The following LINGO2 variants were observed in gnomAD, a reference collection of about 807,000 sequenced individuals.
The protein encoded by LINGO2 is leucine-rich repeat and immunoglobulin-like domain-containing nogo receptor-interacting protein 2.
A neutral mutation model predicts 30.6 loss-of-function variants in LINGO2; 14 were observed. That is an observed-to-expected ratio of 0.46 (90% confidence interval 0.30 to 0.72). The LOEUF (loss-of-function observed/expected upper bound fraction) is 0.72, where lower values mean the gene tolerates loss of function less well. Ranked by LOEUF, LINGO2 falls within the 30% of genes least tolerant of loss-of-function variation. The pLI is 0.07. For synonymous variants in LINGO2, 317 were observed against 288.5 expected, an observed-to-expected ratio of 1.10 and a Z score of -1.00; for missense variants, 729 against 751.7, an observed-to-expected ratio of 0.97 and a Z score of 0.35.
In LINGO2 at chr9:27,981,550, A is replaced by G. The variant is rs974418643; in HGVS notation, c.-36+30805T>C. 9.3e-5 allele frequency among the ~76,000 whole-genome samples: 11 copies of G among 117,698 alleles called. 1 individual carries two copies. The East Asian group carries it at 3.9e-3, about 42-fold the overall frequency. The allele number at this position is 117,698 out of a possible 152,430, so 77.2% of individuals were successfully genotyped here. A position where few individuals can be genotyped will look rare whatever the true frequency, so the allele number is the denominator to read the frequency against. Reference sequence around the variant, plus strand: ...CGAGGATGGCAAAAAAAAAAAAAAAAGAAAAAAAAGAAAAAAAAAGAAAAA... The same window carrying G: ...CGAGGATGGCAAAAAAAAAAAAAAAGGAAAAAAAAGAAAAAAAAAGAAAAA... On this transcript the variant is annotated intron_variant, in intron 5 of 5. Coordinates refer to ENST00000379992, the Ensembl canonical transcript of LINGO2.
chr9:28,654,025 A>G (rs1828228700), intron 1 of LINGO2, among the ~76,000 whole-genome samples: 1 of 152,142 alleles, frequency 6.6e-6, no homozygotes, highest in Non-Finnish European at 1.5e-5. Flanking sequence ...GCTAAATAGT[A>G]TAAATAACAT....
At chr9:28,856,725 G>A in the LINGO2 span, among the ~76,000 whole-genome samples, 1 of 151,954 alleles carries the variant, frequency 6.6e-6, no homozygotes, top group Admixed American at 6.6e-5. Flanking sequence ...GAACATATGG[G>A]AAATTACTGA....
chr9:28,530,152 A>G (rs1167836003), intron 1 of LINGO2, among the ~76,000 whole-genome samples: 1 of 152,058 alleles, frequency 6.6e-6, no homozygotes, highest in Admixed American at 6.6e-5. Flanking sequence ...TGAAGGTGGC[A>G]TATGAGATGA....
At chr9:29,073,074 C>A in the LINGO2 span, among the ~76,000 whole-genome samples, 1 of 151,408 alleles carries the variant, frequency 6.6e-6, no homozygotes, top group East Asian at 1.9e-4. Flanking sequence ...TATCTGTGTC[C>A]CTGAATTTAT....
intron 1 of LINGO2, among the ~76,000 whole-genome samples, chr9:28,528,874 TA>T (rs1219383734): frequency 1.3e-5 from 2 of 152,106 alleles, no homozygotes; most frequent in East Asian, 1.9e-4. Flanking sequence ...AGTTTTGTCA[TA>T]AAAAATCAAC....
intron 1 of LINGO2, among the ~76,000 whole-genome samples, chr9:28,618,244 A>T (rs532629693): frequency 6.6e-6 from 1 of 152,218 alleles, no homozygotes; most frequent in African/African-American, 2.4e-5. Context: ...CCCCATGTCA[A>T]TTAGAGGCGG....
At chr9:28,288,152 T>G (rs946253973) in intron 4 of LINGO2, among the ~76,000 whole-genome samples, 1 of 152,174 alleles carries the variant, frequency 6.6e-6, no homozygotes, top group Non-Finnish European at 1.5e-5. Context: ...TGGCTTCATT[T>G]TCACTTTGAA....
chr9:28,454,001 G>A (rs926989607), intron 2 of LINGO2, among the ~76,000 whole-genome samples: 3 of 152,082 alleles, frequency 2.0e-5, no homozygotes, highest in Admixed American at 6.6e-5. Context: ...TGAGAAGTCC[G>A]AAAGATTAAA....
At chr9:28,504,516 C>T (rs1173812589) in intron 1 of LINGO2, among the ~76,000 whole-genome samples, 3 of 151,790 alleles carry the variant, frequency 2.0e-5, no homozygotes, top group Admixed American at 6.6e-5. Flanking sequence ...TGTGTTTTCA[C>T]TGGCACAATT....
intron 4 of LINGO2, among the ~76,000 whole-genome samples, chr9:28,212,374 G>C (rs1820621564): frequency 1.3e-5 from 2 of 151,342 alleles, no homozygotes; most frequent in South Asian, 4.1e-4. Context: ...GGCAGAGTTA[G>C]GATTTGAACC....
intron 1 of LINGO2, among the ~76,000 whole-genome samples, chr9:28,646,661 T>C (rs1827856695): frequency 6.6e-6 from 1 of 152,072 alleles, no homozygotes; most frequent in Non-Finnish European, 1.5e-5. Context: ...AGATATAGGA[T>C]TTGGAGAGGC....
chr9:28,571,587 G>A (rs1012194633), intron 1 of LINGO2, among the ~76,000 whole-genome samples: 1 of 152,012 alleles, frequency 6.6e-6, no homozygotes, highest in Non-Finnish European at 1.5e-5. Context: ...TAAATAACTT[G>A]CATATGATTA....
the LINGO2 span, among the ~76,000 whole-genome samples, chr9:28,865,709 G>A: frequency 0.043 from 6,545 of 152,128 alleles, 216 homozygotes; most frequent in Admixed American, 0.084. Context: ...TCTTTAACCC[G>A]GGAGGCAGAG....
At chr9:28,728,520 A>C in the LINGO2 span, among the ~76,000 whole-genome samples, 7 of 152,222 alleles carry the variant, frequency 4.6e-5, no homozygotes, top group African/African-American at 1.7e-4. Flanking sequence ...AGGTAAGGAG[A>C]TGCAAAAAAA....
At chr9:28,054,364 C>T (rs971192655) in intron 4 of LINGO2, among the ~76,000 whole-genome samples, 1 of 152,048 alleles carries the variant, frequency 6.6e-6, no homozygotes, top group Non-Finnish European at 1.5e-5. Flanking sequence ...TACTTAGATG[C>T]TACAAGATGC....
At chr9:28,767,426 T>C in the LINGO2 span, among the ~76,000 whole-genome samples, 6 of 152,092 alleles carry the variant, frequency 3.9e-5, no homozygotes, top group Non-Finnish European at 8.8e-5. Context: ...CCTTGAATCA[T>C]TTTCTGCTTT....
chr9:28,187,869 G>A (rs1194696683), intron 4 of LINGO2, among the ~76,000 whole-genome samples: 1 of 152,104 alleles, frequency 6.6e-6, no homozygotes, highest in Non-Finnish European at 1.5e-5. Flanking sequence ...TATACTATGA[G>A]TTGAATATAA....
chr9:28,452,070 A>G (rs1824671188), intron 2 of LINGO2, among the ~76,000 whole-genome samples: 1 of 151,766 alleles, frequency 6.6e-6, no homozygotes, highest in South Asian at 2.1e-4. Context: ...TTATTTATCC[A>G]ACATTCATAT....
the LINGO2 span, among the ~76,000 whole-genome samples, chr9:28,906,880 C>T: frequency 6.6e-6 from 1 of 151,820 alleles, no homozygotes; most frequent in East Asian, 1.9e-4. Flanking sequence ...TTTTCTAATT[C>T]ATGCAAGGTG....
Sources: gnomAD v4.1 joint callset for allele counts (sites outside exome capture counted in the v4.1 genomes callset) on GRCh38, gnomAD v4.1.1 for gene constraint, MANE v1.5 for transcripts, NCBI Gene and HGNC (gene_info 2026-07-23, HGNC 2026-07-21) for gene names.